NLGN1: variants seen among roughly 807,000 people sequenced by gnomAD.
NLGN1 encodes neuroligin 1.
A neutral mutation model predicts 65.5 loss-of-function variants in NLGN1; 12 were observed. The ratio of observed to expected loss-of-function variants is 0.18; its 90% CI spans 0.12 to 0.30. The LOEUF is 0.30. Among genes scored for constraint, NLGN1 ranks in the 10% least tolerant of loss-of-function variants. The pLI is 1.00. For synonymous variants in NLGN1, 350 were observed against 359.5 expected, an observed-to-expected ratio of 0.97 and a Z score of 0.30; for missense variants, 750 against 1,007.1, an observed-to-expected ratio of 0.74 and a Z score of 3.46.
At chr3:173,664,959 T>C (rs1761491880) in intron 3 of NLGN1, among the ~76,000 whole-genome samples, 1 of 152,168 alleles carries the variant, frequency 6.6e-6, no homozygotes, top group South Asian at 2.1e-4. Context: ...ATGATTTGAA[T>C]GTTTCTGAGC....
At chr3:174,167,309 TG>T (rs1435198076) in intron 4 of NLGN1, among the ~76,000 whole-genome samples, 2 of 152,100 alleles carry the variant, frequency 1.3e-5, no homozygotes, top group African/African-American at 2.4e-5. Context: ...TATTTAAGTG[TG>T]TTTTGGTGGT....
At chr3:174,094,652 C>A (rs897121461) in intron 4 of NLGN1, among the ~76,000 whole-genome samples, 1 of 151,168 alleles carries the variant, frequency 6.6e-6, no homozygotes, top group African/African-American at 2.4e-5. Context: ...TTCTTTAGGA[C>A]CCCCATGTTA....
At chr3:173,759,252 C>A (rs906199661) in intron 3 of NLGN1, among the ~76,000 whole-genome samples, 39 of 151,948 alleles carry the variant, frequency 2.6e-4, no homozygotes, top group African/African-American at 9.4e-4. Context: ...CACTAATTAA[C>A]AACTCATCAT....
At chr3:173,978,868 T>C (rs1718137842) in intron 4 of NLGN1, among the ~76,000 whole-genome samples, 1 of 149,532 alleles carries the variant, frequency 6.7e-6, no homozygotes, top group Non-Finnish European at 1.5e-5. Context: ...ATTAGCCACT[T>C]GTGGCAGACA....
chr3:173,982,429 A>T lies in NLGN1; in HGVS notation c.646+174597A>T, dbSNP rs1718974944. ...CTAAAAAACAGGAGGAAACAATGGA[A>T]CTCTCCTAGCCTCTCTAGCATTCTA... On this transcript the variant is annotated intron_variant, in intron 4 of 6. Transcript: ENST00000457714. Among the ~76,000 whole-genome samples, 3 of 152,016 alleles carry T rather than the reference A, an allele frequency of 2.0e-5. No individual in the cohort carries two copies. The South Asian group carries it at 6.2e-4, about 31-fold the overall frequency.
At chr3:174,268,768 A>T (rs536992421) in intron 4 of NLGN1, among the ~76,000 whole-genome samples, 1 of 152,096 alleles carries the variant, frequency 6.6e-6, no homozygotes, top group Admixed American at 6.5e-5. Flanking sequence ...CTTCTTTCCC[A>T]CTGTACTCCC....
chr3:173,479,094 G>A (rs914917956), intron 2 of NLGN1, among the ~76,000 whole-genome samples: 29 of 152,200 alleles, frequency 1.9e-4, no homozygotes, highest in Non-Finnish European at 3.7e-4. Context: ...TATAAAAGAT[G>A]TCTGTGTTTG....
At chr3:174,239,923 T>C (rs964775124) in intron 4 of NLGN1, among the ~76,000 whole-genome samples, 1 of 152,108 alleles carries the variant, frequency 6.6e-6, no homozygotes, top group Non-Finnish European at 1.5e-5. Context: ...GCAAAAACAA[T>C]GGATTATCTT....
At chr3:173,941,365 G>A (rs1040544622) in intron 4 of NLGN1, among the ~76,000 whole-genome samples, 27 of 151,944 alleles carry the variant, frequency 1.8e-4, no homozygotes, top group African/African-American at 5.6e-4. Flanking sequence ...CAAACTGATG[G>A]CACCCTTTGT....
intron 4 of NLGN1, among the ~76,000 whole-genome samples, chr3:174,149,562 A>G (rs1425816772): frequency 6.6e-6 from 1 of 152,166 alleles, no homozygotes; most frequent in Non-Finnish European, 1.5e-5. Flanking sequence ...ATATCAAATT[A>G]TAAACATCCT....
rs193144250 is a variant in NLGN1, at chr3:173,814,892, G to A, written c.646+7060G>A. Among the ~76,000 whole-genome samples the A allele has an allele frequency of 2.6e-5, 4 of 152,258 alleles. No individual in the cohort carries two copies. In the East Asian group the frequency reaches 7.7e-4, roughly 29 times the overall value. ...AGCAATTACCTATATAAATTCTAGA[G>A]AAATAGTGCAATGAGAAGGGAGCTA... On this transcript the variant is annotated intron_variant, in intron 4 of 6. Coordinates refer to ENST00000457714, the Ensembl canonical transcript of NLGN1.
intron 4 of NLGN1, among the ~76,000 whole-genome samples, chr3:173,995,666 T>A (rs945109666): frequency 3.6e-4 from 49 of 134,738 alleles, no homozygotes; most frequent in Admixed American, 2.3e-3. Context: ...TCTTTCATTC[T>A]TTTTTTTTTT....
intron 4 of NLGN1, among the ~76,000 whole-genome samples, chr3:174,091,707 A>C (rs1024989215): frequency 6.6e-6 from 1 of 152,182 alleles, no homozygotes; most frequent in African/African-American, 2.4e-5. Flanking sequence ...AGTTTAGGGT[A>C]TTTTATTTTT....
chr3:173,946,424 A>G (rs1696955293), intron 4 of NLGN1, among the ~76,000 whole-genome samples: 1 of 152,208 alleles, frequency 6.6e-6, no homozygotes, highest in African/African-American at 2.4e-5. Context: ...TAGTTTATGA[A>G]CATTTCCTTT....
chr3:173,910,814 G>C (rs963162386), intron 4 of NLGN1: 16 of 152,108 alleles, frequency 1.1e-4, no homozygotes, highest in African/African-American at 3.9e-4. Context: ...TGTAACTGTG[G>C]CCATTTTCTT....
intron 4 of NLGN1, among the ~76,000 whole-genome samples, chr3:173,853,598 T>G (rs1056841586): frequency 6.6e-6 from 1 of 152,130 alleles, no homozygotes; most frequent in Non-Finnish European, 1.5e-5. Context: ...AATTCATAAA[T>G]GGATTGAATT....
intron 3 of NLGN1, among the ~76,000 whole-genome samples, chr3:173,672,367 A>G (rs928264548): frequency 1.3e-5 from 2 of 152,218 alleles, no homozygotes; most frequent in African/African-American, 4.8e-5. Context: ...GGTTGCTATC[A>G]GGGTGAATAA....
intron 4 of NLGN1, among the ~76,000 whole-genome samples, chr3:173,923,422 T>C (rs1410528235): frequency 6.6e-6 from 1 of 152,152 alleles, no homozygotes; most frequent in Non-Finnish European, 1.5e-5. Context: ...ATGAATTGCC[T>C]GCCACAGAGA....
chr3:173,765,720 G>A (rs1778689204), intron 3 of NLGN1, among the ~76,000 whole-genome samples: 1 of 152,112 alleles, frequency 6.6e-6, no homozygotes, highest in African/African-American at 2.4e-5. Flanking sequence ...AGAGCCTCAA[G>A]CTTATATTAT....
Sources: gnomAD v4.1 joint callset for allele counts (sites outside exome capture counted in the v4.1 genomes callset) on GRCh38, gnomAD v4.1.1 for gene constraint, MANE v1.5 for transcripts, NCBI Gene and HGNC (gene_info 2026-07-23, HGNC 2026-07-21) for gene names.